Variants in ANKFN1 observed in about 807,000 individuals in gnomAD.
ANKFN1 encodes ankyrin repeat and fibronectin type-III domain-containing protein 1.
A neutral mutation model predicts 108.7 loss-of-function variants in ANKFN1; 74 were observed. That is an observed-to-expected ratio of 0.68 (90% CI 0.56 to 0.83). The LOEUF is 0.83. Among genes scored for constraint, ANKFN1 ranks in the 40% least tolerant of loss-of-function variants. ANKFN1 has a pLI of 0.00. For missense variants in ANKFN1, 1,505 were observed against 1,382.3 expected (o/e 1.09, Z -1.41); for synonymous variants, 547 against 516.2 (o/e 1.06, Z -0.81).
At chr17:56,077,160 C>G (rs1905190792) in intron 4 of ANKFN1, among the ~76,000 whole-genome samples, 1 of 152,160 alleles carries the variant, frequency 6.6e-6, no homozygotes, top group Non-Finnish European at 1.5e-5. Context: ...TGGCCTTATG[C>G]TGGCCTTGGT....
chr17:56,287,055 G>T (rs2044238022), intron 3 of ANKFN1, among the ~76,000 whole-genome samples: 1 of 152,224 alleles, frequency 6.6e-6, no homozygotes, highest in East Asian at 1.9e-4. Context: ...TAGTTGTGAG[G>T]TGTGTTACAG....
intron 8 of ANKFN1, among the ~76,000 whole-genome samples, chr17:56,389,324 A>C (rs1348073548): frequency 6.6e-6 from 1 of 152,230 alleles, no homozygotes; most frequent in East Asian, 1.9e-4. Flanking sequence ...ATGCTGCACA[A>C]TTCCATTTAT....
intron 3 of ANKFN1, among the ~76,000 whole-genome samples, chr17:56,282,329 G>C (rs1333935236): frequency 1.3e-5 from 2 of 151,876 alleles, no homozygotes; most frequent in South Asian, 2.1e-4. Flanking sequence ...AGGGAAGAGG[G>C]TGTGCAATAG....
At chr17:56,427,145 T>C (rs377436082) in intron 8 of ANKFN1, among the ~76,000 whole-genome samples, 3 of 152,218 alleles carry the variant, frequency 2.0e-5, no homozygotes, top group African/African-American at 7.2e-5. Context: ...ACAAATTCCT[T>C]TGGGTCCTGA....
chr17:56,223,787 G>A (rs751650292), intron 2 of ANKFN1, among the ~76,000 whole-genome samples: 2 of 152,132 alleles, frequency 1.3e-5, no homozygotes, highest in African/African-American at 2.4e-5. Context: ...GGATGGTACC[G>A]TTCTTTGTAC....
intron 10 of ANKFN1, among the ~76,000 whole-genome samples, chr17:56,446,574 G>A (rs1171516586): frequency 1.3e-5 from 2 of 152,140 alleles, no homozygotes; most frequent in African/African-American, 4.8e-5. Flanking sequence ...CATTTAACGA[G>A]TCTGCTCTGT....
chr17:56,444,838 G>C (rs1304568255), intron 10 of ANKFN1, among the ~76,000 whole-genome samples: 1 of 152,166 alleles, frequency 6.6e-6, no homozygotes, highest in Non-Finnish European at 1.5e-5. Flanking sequence ...ACTCTAGCCT[G>C]AATTGGTCAT....
chr17:56,347,883 G>T (rs915501117), intron 4 of ANKFN1, among the ~76,000 whole-genome samples: 1 of 152,020 alleles, frequency 6.6e-6, no homozygotes, highest in African/African-American at 2.4e-5. Context: ...CAAGTAGCTG[G>T]AATTTGATCA....
chr17:56,476,279 C>T (rs529432816), intron 15 of ANKFN1, among the ~76,000 whole-genome samples: 1 of 152,268 alleles, frequency 6.6e-6, no homozygotes, highest in South Asian at 2.1e-4. Context: ...AAAGTTTTAC[C>T]TACTGATGTG....
At chr17:56,166,134 A>T (rs182423498) in intron 1 of ANKFN1, among the ~76,000 whole-genome samples, 3 of 152,320 alleles carry the variant, frequency 2.0e-5, no homozygotes, top group Admixed American at 2.0e-4. Flanking sequence ...AAAAAAAGTA[A>T]TCAGGTGGTC....
At chr17:56,323,199 A>G (rs2045418311) in intron 3 of ANKFN1, 1 of 152,346 alleles carries the variant, frequency 6.6e-6, no homozygotes, top group South Asian at 2.1e-4. Flanking sequence ...CATTAGTATT[A>G]TGACATGGAG....
chr17:56,428,303 G>A (rs1432962507), intron 8 of ANKFN1, among the ~76,000 whole-genome samples: 1 of 151,408 alleles, frequency 6.6e-6, no homozygotes, highest in East Asian at 1.9e-4. Context: ...ATTAATAGAT[G>A]GTCTCCCAGC....
At chr17:56,311,624 A>G (rs2045028941) in intron 3 of ANKFN1, among the ~76,000 whole-genome samples, 1 of 152,208 alleles carries the variant, frequency 6.6e-6, no homozygotes. Flanking sequence ...ACAACCACAG[A>G]TTGTCTACGT....
intron 4 of ANKFN1, among the ~76,000 whole-genome samples, chr17:56,339,238 A>C (rs1437186413): frequency 6.6e-6 from 1 of 152,090 alleles, no homozygotes; most frequent in Non-Finnish European, 1.5e-5. Flanking sequence ...ATAAAAGATA[A>C]GTTTATGCTC....
chr17:56,296,869 T>A lies in ANKFN1; in HGVS notation c.54-29352T>A, dbSNP rs891448032. On this transcript the variant is annotated intron_variant, in intron 3 of 20. Transcript: ENST00000682825. Reference sequence around the variant, plus strand: ...TAGTGCTGAACTCCCAGGGCTCATATGAGGATTAAATTAGATAATACCCAC... The same window carrying A: ...TAGTGCTGAACTCCCAGGGCTCATAAGAGGATTAAATTAGATAATACCCAC... Among the ~76,000 whole-genome samples the A allele has an allele frequency of 5.3e-5, 8 of 152,214 alleles. 1 individual carries two copies. Among genetic ancestry groups the A allele is most frequent in the Admixed American group, 1.3e-4 (2 of 15,290 alleles).
At chr17:56,205,330 A>G (rs1914439633) in intron 1 of ANKFN1, among the ~76,000 whole-genome samples, 2 of 152,214 alleles carry the variant, frequency 1.3e-5, no homozygotes, top group African/African-American at 4.8e-5. Flanking sequence ...GTCAAAAATT[A>G]GTTTTTGTGT....
chr17:56,467,829 A>G (rs199879458), intron 15 of ANKFN1, among the ~76,000 whole-genome samples: 1 of 46,318 alleles, frequency 2.2e-5, no homozygotes, highest in Non-Finnish European at 3.8e-5. Flanking sequence ...AAAGAAAGAA[A>G]GAAAGAAAGA....
intron 3 of ANKFN1, among the ~76,000 whole-genome samples, chr17:56,285,624 A>G (rs17213040): frequency 0.082 from 12,506 of 152,140 alleles, 562 homozygotes; most frequent in East Asian, 0.22. Flanking sequence ...CTCCCCATGT[A>G]TAACTCAACT....
chr17:56,279,778 A>G (rs2044023971), intron 3 of ANKFN1, among the ~76,000 whole-genome samples: 1 of 152,194 alleles, frequency 6.6e-6, no homozygotes, highest in African/African-American at 2.4e-5. Context: ...AAATATTCAT[A>G]TGACAGTTAA....
Sources: allele counts gnomAD v4.1 joint callset (sites outside exome capture counted in the v4.1 genomes callset), GRCh38; gene constraint gnomAD v4.1.1; transcripts MANE v1.5; gene names NCBI Gene and HGNC (gene_info 2026-07-23, HGNC 2026-07-21).